The following ANKRD16 variants were observed in gnomAD, a reference collection of about 807,000 sequenced individuals.
ANKRD16 encodes the protein ankyrin repeat domain 16.
Under a neutral mutation model 37.9 loss-of-function variants are expected in ANKRD16, and 35 were observed. The observed-to-expected ratio is 0.92, with a 90% CI of 0.71 to 1.23. The LOEUF (loss-of-function observed/expected upper bound fraction) is 1.23. Ranked by LOEUF, ANKRD16 falls within the 50% of genes most tolerant of loss-of-function variation. ANKRD16 has a pLI of 0.00. For missense variants in ANKRD16, 480 were observed against 469.9 expected, an observed-to-expected ratio of 1.02 and a Z score of -0.20; for synonymous variants, 206 against 197.2, an observed-to-expected ratio of 1.04 and a Z score of -0.37.
rs779828349 is a variant in ANKRD16, at chr10:5,880,293, G to C, written c.928+5C>G. 6.4e-7 allele frequency: 1 copy of C among 1,565,990 alleles called. No homozygotes were observed. Among genetic ancestry groups the C allele is most frequent in the Non-Finnish European group, 8.7e-7 (1 of 1,148,818 alleles). ...TTCCAAGGCATATATAAAATTAAAC[G>C]GTACCTGATCGATTTTTTTCATCTT... On this transcript the variant is annotated splice_donor_5th_base_variant and intron_variant, in intron 6 of 7. Coordinates refer to ENST00000380094, the MANE Select transcript of ANKRD16 (RefSeq NM_019046.3).
At position 5,864,143 on chromosome 10, in the gene ANKRD16, A is replaced by T. The variant is rs906907504; in HGVS notation, c.*34-1452T>A. ...AGGGAGAAGGCAAATGGAGTGAAAT[A>T]CCTTATGTCCAAGCTTTCTTTTAAG... On this transcript the variant is annotated intron_variant, in intron 7 of 7. Transcript: ENST00000380094. This position sits in a 1 kb window ranked among gnomAD's most constrained non-coding sequence, Gnocchi z 4.4. 3.3e-5 allele frequency among the ~76,000 whole-genome samples: 5 copies of T among 152,110 alleles called. No homozygotes were observed. Among genetic ancestry groups the T allele is most frequent in the Admixed American group, 2.6e-4 (4 of 15,278 alleles).
rs1371008767 is a variant in ANKRD16 at position 5,870,809 on chromosome 10, G to A, written c.*33+7288C>T. Among the ~76,000 whole-genome samples the A allele has an allele frequency of 1.3e-5, 2 of 152,214 alleles. No individual in the cohort carries two copies. The highest frequency in any genetic ancestry group is 2.4e-5 in the African/African-American group (1 of 41,446). ...GTTCACCTGTGGTGAAGCCAGGAGA[G>A]GTGTCATGTTGGTTGAAATGCCTGC... On this transcript the variant is annotated intron_variant, in intron 7 of 7. Transcript: ENST00000380094. This position sits in a 1 kb window ranked among gnomAD's most constrained non-coding sequence, Gnocchi z 5.0.
rs745392150 is a variant in ANKRD16, at chr10:5,880,367, T to C, written c.859A>G (p.Thr287Ala). The change falls in exon 6 of 8, where the codon ACA (threonine) becomes GCA (alanine). Residue 287 changes from threonine (T) to alanine (A), a missense_variant. Thr to Ala is a moderately conservative substitution (Grantham distance 58, BLOSUM62 0). Transcript: ENST00000380094. ...ALHYAAKEGH[T>A]STIQTLLSLG... ...GATAAGAGAGTCTGAATTGTACTTG[T>C]ATGTCCTTCCTGAATTGAAACAAAT... The C allele has an allele frequency of 3.8e-6, 6 of 1,598,108 alleles. No individual in the cohort carries two copies. The highest frequency in any genetic ancestry group is 5.1e-6 in the Non-Finnish European group (6 of 1,174,178).
rs1252268309 is a variant in ANKRD16, at chr10:5,876,784, T to C, written c.*33+1313A>G. ...TCACACTGAATAAGAGGATTCAATGTTGCTTGTGACTGATGCATACAATGA... is the reference window on the plus strand; with the variant it reads ...TCACACTGAATAAGAGGATTCAATGCTGCTTGTGACTGATGCATACAATGA... On this transcript the variant is annotated intron_variant, in intron 7 of 7. Transcript: ENST00000380094. Among the ~76,000 whole-genome samples, 4 of 152,186 alleles carry C rather than the reference T, an allele frequency of 2.6e-5. No homozygotes were observed. The East Asian group carries it at 7.7e-4, about 29-fold the overall frequency.
rs923904744 is a variant in ANKRD16, at chr10:5,868,638, C to T, written c.*34-5947G>A. Among the ~76,000 whole-genome samples the T allele has an allele frequency of 1.3e-5, 2 of 152,188 alleles. No homozygotes were observed. The highest frequency in any genetic ancestry group is 4.8e-5 in the African/African-American group (2 of 41,444). ...GGAATAAAAGCTGGCCACCCCCAGC[C>T]AGCAGCGGCAACCCACTCGGGTCCC... On this transcript the variant is annotated intron_variant, in intron 7 of 7. Transcript: ENST00000380094. The surrounding 1 kb of genome is among the most constrained non-coding windows in gnomAD (Gnocchi z 4.9).
At position 5,871,555 on chromosome 10, in the gene ANKRD16, C is replaced by A. The variant is rs1305008603; in HGVS notation, c.*33+6542G>T. 6.6e-6 allele frequency among the ~76,000 whole-genome samples: 1 copy of A among 152,182 alleles called. No homozygotes were observed. Among genetic ancestry groups the A allele is most frequent in the African/African-American group, 2.4e-5 (1 of 41,442 alleles). On this transcript the variant is annotated intron_variant, in intron 7 of 7. Coordinates refer to ENST00000380094, the MANE Select transcript of ANKRD16 (RefSeq NM_019046.3). This position sits in a 1 kb window ranked among gnomAD's most constrained non-coding sequence, Gnocchi z 4.5. ...ATAAATGTGCTCCACAAATCCCCCA[C>A]CCTCCTAGATACTGGCATTGAATGA...
chr10:5,884,741 A>T (rs1213506174), intron 3 of ANKRD16, among the ~76,000 whole-genome samples: 2 of 149,232 alleles, frequency 1.3e-5, no homozygotes, highest in African/African-American at 4.9e-5. Flanking sequence ...TCAAAAACTA[A>T]AAAAAAAAAA....
At chr10:5,876,504 T>C (rs1486033349) in intron 7 of ANKRD16, among the ~76,000 whole-genome samples, 1 of 152,206 alleles carries the variant, frequency 6.6e-6, no homozygotes, top group Non-Finnish European at 1.5e-5. Context: ...TCTTCAGACC[T>C]AGAGGGCATT....
At chr10:5,882,757 C>A (rs1342139344) in intron 5 of ANKRD16, 10 of 317,342 alleles carry the variant, frequency 3.2e-5, no homozygotes, top group Non-Finnish European at 5.8e-5. Flanking sequence ...AAAACAAAAA[C>A]CTGTGTGTGA....
In ANKRD16 at chr10:5,878,288, C is replaced by T. The variant is rs576083995; in HGVS notation, c.929-1G>A. On this transcript the variant is annotated splice_acceptor_variant, in intron 6 of 7. Transcript: ENST00000380094. LOFTEE classifies it high-confidence loss of function. The surrounding 1 kb of genome is among the most constrained non-coding windows in gnomAD (Gnocchi z 5.1). ...TGACCTGCACAGGCCAGATGCAGGG[C>T]TGAGGGGTGACAAAAATCACATGGA... 2 of 1,611,534 alleles carry T rather than the reference C, an allele frequency of 1.2e-6. No individual in the cohort carries two copies. The highest frequency in any genetic ancestry group is 2.7e-5 in the African/African-American group (2 of 74,952).
At chr10:5,885,189 AT>A (rs569194944) in intron 3 of ANKRD16, among the ~76,000 whole-genome samples, 4 of 150,286 alleles carry the variant, frequency 2.7e-5, no homozygotes, top group East Asian at 1.9e-4. Context: ...TTTTTTATTT[AT>A]TTTTTTTTGA....
At chr10:5,882,485 CA>C (rs757959621) in intron 5 of ANKRD16, among the ~76,000 whole-genome samples, 84 of 134,888 alleles carry the variant, frequency 6.2e-4, no homozygotes, top group Admixed American at 8.2e-4. Flanking sequence ...ACAAACAAAC[CA>C]AAAAAAAAAA....
At position 5,870,392 on chromosome 10, in the gene ANKRD16, C is replaced by G. The variant is rs1217005309; in HGVS notation, c.*34-7701G>C. Among the ~76,000 whole-genome samples, 2 of 151,516 alleles carry G rather than the reference C, an allele frequency of 1.3e-5. No homozygotes were observed. Among genetic ancestry groups the G allele is most frequent in the African/African-American group, 4.9e-5 (2 of 41,082 alleles). ...GCCCGGGCACCAGCCAGTCCTCATT[C>G]CCTCCCTACTGCTTTTTTTTTTTTT... On this transcript the variant is annotated intron_variant, in intron 7 of 7. Coordinates refer to ENST00000380094, the MANE Select transcript of ANKRD16 (RefSeq NM_019046.3). The surrounding 1 kb of genome is among the most constrained non-coding windows in gnomAD (Gnocchi z 5.0).
intron 2 of ANKRD16, among the ~76,000 whole-genome samples, chr10:5,886,805 C>T (rs1842430700): frequency 6.6e-6 from 1 of 152,068 alleles, no homozygotes; most frequent in Admixed American, 6.5e-5. Context: ...TTACTTTCTT[C>T]AAACAAATGA....
chr10:5,880,204 A>G (rs144486931), intron 6 of ANKRD16, 94 bp downstream of exon 6: 10 of 291,070 alleles, frequency 3.4e-5, no homozygotes, highest in Non-Finnish European at 4.8e-5. Flanking sequence ...AAAAAAAAAA[A>G]GGAAGAATAT....
chr10:5,887,697 C>CCCCCCCCCCCCCCCCCCCCCACA, intron 2 of ANKRD16, 150 bp downstream of exon 2: 1 of 144,116 alleles, frequency 6.9e-6, no homozygotes. Flanking sequence ...CCGCCCCCAC[C>CCCCCCCCCCCCCCCCCCCCCACA]CCCTCCCCCC....
chr10:5,881,289 C>T (rs544827931), intron 5 of ANKRD16, among the ~76,000 whole-genome samples: 12 of 151,132 alleles, frequency 7.9e-5, no homozygotes, highest in Admixed American at 2.0e-4. Flanking sequence ...GAACCCAAAA[C>T]TCTAAAATTT....
intron 7 of ANKRD16, among the ~76,000 whole-genome samples, chr10:5,873,321 T>G (rs1842134184): frequency 6.6e-6 from 1 of 151,944 alleles, no homozygotes. Context: ...TGAGCCACCG[T>G]CCCCAGCACG....
Position 5,870,589 on chromosome 10 carries a change from AG to A in ANKRD16, c.*33+7507del, listed in dbSNP as rs1275578941. On this transcript the variant is annotated intron_variant, in intron 7 of 7. Coordinates refer to ENST00000380094, the MANE Select transcript of ANKRD16 (RefSeq NM_019046.3). The surrounding 1 kb of genome is among the most constrained non-coding windows in gnomAD (Gnocchi z 5.0). ...AATTTTTTGTATTTTTTGTAGAGGCAGGGTCTCACCATGTTGTCCAGGCTGG... is the reference window on the plus strand; with the variant it reads ...AATTTTTTGTATTTTTTGTAGAGGCAGGTCTCACCATGTTGTCCAGGCTGG... Among the ~76,000 whole-genome samples the A allele has an allele frequency of 6.6e-6, 1 of 152,104 alleles. No individual in the cohort carries two copies. The highest frequency in any genetic ancestry group is 1.5e-5 in the Non-Finnish European group (1 of 67,994).
Sources: allele counts gnomAD v4.1 joint callset (sites outside exome capture counted in the v4.1 genomes callset), GRCh38; gene constraint gnomAD v4.1.1; non-coding constraint Gnocchi (gnomAD v3.1); transcripts MANE v1.5; gene names NCBI Gene and HGNC (gene_info 2026-07-23, HGNC 2026-07-21).